The following LMF1 variants were observed in gnomAD, a reference collection of about 807,000 sequenced individuals.
LMF1 encodes the protein transmembrane protein 112.
Under a neutral mutation model 60.6 loss-of-function variants are expected in LMF1, and 68 were observed. The observed-to-expected ratio is 1.12, with a 90% CI of 0.92 to 1.37. The LOEUF is 1.37. LMF1 is among the 40% of genes most tolerant of loss of function. The pLI, the probability that LMF1 is intolerant of heterozygous loss-of-function variation, is 0.00. For synonymous variants in LMF1, 418 were observed against 324.7 expected, an observed-to-expected ratio of 1.29 and a Z score of -3.09; for missense variants, 948 against 767.2, an observed-to-expected ratio of 1.24 and a Z score of -2.78.
At chr16:924,094 T>C (rs1354682486) in intron 3 of LMF1, among the ~76,000 whole-genome samples, 1 of 152,120 alleles carries the variant, frequency 6.6e-6, no homozygotes, top group Non-Finnish European at 1.5e-5. Flanking sequence ...GTCAAAATAA[T>C]GTAAAGACAA....
intron 10 of LMF1, among the ~76,000 whole-genome samples, chr16:859,815 A>T (rs1412416705): frequency 1.1e-5 from 1 of 90,810 alleles, no homozygotes; most frequent in African/African-American, 9.2e-5. Context: ...GATGGGTGTG[A>T]GTGGTGTCTC....
At chr16:978,673 G>A (rs905787630) in intron 1 of LMF1, among the ~76,000 whole-genome samples, 1 of 152,182 alleles carries the variant, frequency 6.6e-6, no homozygotes, top group Non-Finnish European at 1.5e-5. Context: ...ACTAGCAGGT[G>A]GTGAGGTCAG....
At position 870,731 on chromosome 16, in the gene LMF1, T is replaced by G. The variant is rs766736932; in HGVS notation, c.1230A>C (p.Gly410=). 19 of 1,612,600 alleles carry G rather than the reference T, an allele frequency of 1.2e-5. No homozygotes were observed. The highest frequency in any genetic ancestry group is 1.4e-5 in the Non-Finnish European group (16 of 1,179,782). The change falls in exon 8 of 11, where the codon GGA becomes GGC. Residue 410 remains glycine, a splice_region_variant and synonymous_variant. Transcript: ENST00000262301. ...GGACGGGGACCCCAGGCTCATACCT[T>G]CCGAAGGCCCCGTAAGTGTTGACGA... The part of the protein sequence containing the change: ...LHIVNTYGAF[G]SITKERAEVI...
chr16:857,166 T>G (rs955672361), intron 10 of LMF1, among the ~76,000 whole-genome samples: 2 of 152,222 alleles, frequency 1.3e-5, no homozygotes, highest in Admixed American at 6.5e-5. Flanking sequence ...GTCGCTCTCT[T>G]GTGGAAGGAC....
chr16:912,232 G>A (rs1021900779), intron 3 of LMF1, among the ~76,000 whole-genome samples: 8 of 151,984 alleles, frequency 5.3e-5, no homozygotes, highest in Middle Eastern at 3.4e-3. Context: ...AGACTCGCAG[G>A]GGCAGCATCT....
chr16:890,067 T>C (rs2070434811), intron 5 of LMF1, among the ~76,000 whole-genome samples: 1 of 152,050 alleles, frequency 6.6e-6, no homozygotes, highest in African/African-American at 2.4e-5. Context: ...CCCCTGTACC[T>C]AGGACCCCCC....
chr16:974,382 G>A (rs1362265122), upstream of LMF1, among the ~76,000 whole-genome samples: 1 of 152,144 alleles, frequency 6.6e-6, no homozygotes, highest in East Asian at 1.9e-4. Context: ...GGAGGAGGGC[G>A]TCCTGAGAGT....
At chr16:968,804 G>A (rs868053074) in intron 1 of LMF1, 46 of 152,232 alleles carry the variant, frequency 3.0e-4, no homozygotes, top group African/African-American at 1.0e-3. Flanking sequence ...GGAGATCAAA[G>A]GAGCCTCAGC....
chr16:879,592 C>T lies in LMF1; in HGVS notation c.875G>A (p.Gly292Glu), dbSNP rs763104459. Residue 292 changes from glycine (G) to glutamate (E), a missense_variant, in exon 6 of 11, where the codon GGG becomes GAG. Physicochemically the swap from Gly to Glu is moderately conservative, Grantham distance 98 (BLOSUM62 -2). Transcript: ENST00000262301. ...FLGRRACIIH[G>E]VLQILFQAVL... Reference sequence around the variant, plus strand: ...CACCTGGAACAGGATCTGCAGCACCCCGTGGATGATGCACGCCCGCCGGCC... The same window carrying T: ...CACCTGGAACAGGATCTGCAGCACCTCGTGGATGATGCACGCCCGCCGGCC... The T allele has an allele frequency of 1.2e-6, 2 of 1,613,106 alleles. No homozygotes were observed. The highest frequency in any genetic ancestry group is 8.5e-7 in the Non-Finnish European group (1 of 1,179,736).
At chr16:981,200 G>A (rs1191208427) in exon 1 of LMF1, 5 of 455,158 alleles carry the variant, frequency 1.1e-5, no homozygotes, top group East Asian at 1.4e-4. Flanking sequence ...GCTGCGCGGC[G>A]GAACCGACCC....
chr16:870,025 GCT>G lies in LMF1; in HGVS notation c.1272_1273del (p.Ala425GlnfsTer22). On this transcript the variant is annotated frameshift_variant, in exon 9 of 11. Transcript: ENST00000262301. LOFTEE classifies it high-confidence loss of function. ...ATCGGGGGCGCTGGCGTTGGAGCTG[GCT>G]GTGCCCTGCAGGATCACCTCCGCCC... 6.2e-7 allele frequency: 1 copy of G among 1,612,288 alleles called. No homozygotes were observed. The highest frequency in any genetic ancestry group is 8.5e-7 in the Non-Finnish European group (1 of 1,179,804).
rs866673657 is a variant in LMF1, at chr16:855,255, C to T, written c.1530-549G>A. Reference sequence around the variant, plus strand: ...GCCTCTGCTTCCCAGGGCTTCAGGCCCTTCCCTGCCTGAGACGTGCAGATG... The same window carrying T: ...GCCTCTGCTTCCCAGGGCTTCAGGCTCTTCCCTGCCTGAGACGTGCAGATG... On this transcript the variant is annotated intron_variant, in intron 10 of 10. Coordinates refer to ENST00000262301, the MANE Select transcript of LMF1 (RefSeq NM_022773.4). 8.5e-5 allele frequency: 21 copies of T among 245,986 alleles called. No individual in the cohort carries two copies. In the Middle Eastern group the frequency reaches 8.1e-3, roughly 95 times the overall value. 15.2% of individuals were successfully genotyped at this position (245,986 alleles called of 1,614,324 possible). A position where few individuals can be genotyped will look rare whatever the true frequency, so the allele number is the denominator to read the frequency against.
chr16:875,031 G>GA (rs1388679681), intron 6 of LMF1, among the ~76,000 whole-genome samples: 1 of 152,184 alleles, frequency 6.6e-6, no homozygotes, highest in Non-Finnish European at 1.5e-5. Context: ...TCCAAGGGGG[G>GA]ACGCCAGGCC....
chr16:859,112 GTCTCGGGACGGGTGTGCACTGA>G (rs2069329617), intron 10 of LMF1, among the ~76,000 whole-genome samples: 2 of 129,480 alleles, frequency 1.5e-5, no homozygotes, highest in Admixed American at 7.6e-5. Context: ...GTGCAGTGAT[GTCTCGGGACGGGTGTGCACTGA>G]TGTCACGGGA....
At chr16:899,527 G>C (rs141886774) in intron 4 of LMF1, 2 of 152,204 alleles carry the variant, frequency 1.3e-5, no homozygotes, top group East Asian at 1.9e-4. Flanking sequence ...TCAGGGAAAC[G>C]GCAGCACATC....
chr16:891,953 A>G (rs1463298081), intron 5 of LMF1, among the ~76,000 whole-genome samples: 1 of 152,234 alleles, frequency 6.6e-6, no homozygotes, highest in Non-Finnish European at 1.5e-5. Flanking sequence ...GCTCTCGGAC[A>G]AAGAGAGGAG....
At chr16:933,580 G>A in intron 3 of LMF1, 12 of 190,976 alleles carry the variant, frequency 6.3e-5, no homozygotes, top group South Asian at 3.4e-4. Context: ...TACCAGCAAA[G>A]ACCGGCCCCT....
chr16:966,385 G>A (rs2072922944), intron 1 of LMF1, among the ~76,000 whole-genome samples: 1 of 152,216 alleles, frequency 6.6e-6, no homozygotes, highest in Non-Finnish European at 1.5e-5. Flanking sequence ...GGCCTGTCCA[G>A]GACTCGGCCC....
intron 2 of LMF1, among the ~76,000 whole-genome samples, chr16:939,104 A>G (rs71380212): frequency 1.3e-5 from 2 of 152,242 alleles, no homozygotes; most frequent in African/African-American, 4.8e-5. Context: ...AAGGCAAAAC[A>G]CAAATCCCCA....
Sources: allele counts gnomAD v4.1 joint callset (sites outside exome capture counted in the v4.1 genomes callset), GRCh38; gene constraint gnomAD v4.1.1; transcripts MANE v1.5; gene names NCBI Gene and HGNC (gene_info 2026-07-23, HGNC 2026-07-21).